EPHA7: variants seen among roughly 807,000 people sequenced by gnomAD.
EPHA7 encodes the protein EPH receptor A7, also known as ephrin type-A receptor 7.
Under a neutral mutation model 112.6 loss-of-function variants are expected in EPHA7, and 25 were observed. That is an observed-to-expected ratio of 0.22 (90% CI 0.16 to 0.31). The LOEUF is 0.31. Ranked by LOEUF, EPHA7 falls within the 10% of genes least tolerant of loss-of-function variation. The pLI is 1.00. For synonymous variants in EPHA7, 437 were observed against 406.5 expected (o/e 1.07, Z -0.90); for missense variants, 962 against 1,212.6 (o/e 0.79, Z 3.07).
intron 5 of EPHA7, among the ~76,000 whole-genome samples, chr6:93,334,381 A>C (rs1035212268): frequency 2.0e-5 from 3 of 151,958 alleles, no homozygotes; most frequent in Admixed American, 2.0e-4. Flanking sequence ...ACTGCAACAA[A>C]AAAATTGACA....
rs1015374884 is a variant in EPHA7 at position 93,337,129 on chromosome 6, G to A, written c.1324+19588C>T. ...CAACAGAAGAGAATATTGCTGCTGT[G>A]TTTTCAAATCCGCAATTCAAAGTTC... On this transcript the variant is annotated intron_variant, in intron 5 of 16. Transcript: ENST00000369303. Among the ~76,000 whole-genome samples, 6 of 152,146 alleles carry A rather than the reference G, an allele frequency of 3.9e-5. No homozygotes were observed. In the South Asian group the frequency reaches 1.2e-3, roughly 31 times the overall value.
At chr6:93,354,467 G>T (rs1043884426) in intron 5 of EPHA7, among the ~76,000 whole-genome samples, 2 of 151,402 alleles carry the variant, frequency 1.3e-5, no homozygotes, top group African/African-American at 4.8e-5. Context: ...AAATGTATAG[G>T]TATTCTTTTT....
intron 5 of EPHA7, among the ~76,000 whole-genome samples, chr6:93,278,211 G>C (rs535215335): frequency 7.2e-5 from 11 of 152,148 alleles, no homozygotes; most frequent in Middle Eastern, 3.4e-3. Flanking sequence ...AGTTTGTGGA[G>C]AAGAGCTACT....
intron 5 of EPHA7, among the ~76,000 whole-genome samples, chr6:93,290,969 T>G (rs562388562): frequency 3.9e-5 from 6 of 152,284 alleles, no homozygotes; most frequent in African/African-American, 1.4e-4. Context: ...AACATTGAAA[T>G]AGATCCCAGT....
chr6:93,309,608 AT>A (rs1773429040), intron 5 of EPHA7, among the ~76,000 whole-genome samples: 1 of 152,118 alleles, frequency 6.6e-6, no homozygotes, highest in African/African-American at 2.4e-5. Context: ...AAATAAATCT[AT>A]TTTTTGAATT....
At chr6:93,352,744 AC>A (rs1775756312) in intron 5 of EPHA7, among the ~76,000 whole-genome samples, 1 of 152,162 alleles carries the variant, frequency 6.6e-6, no homozygotes. Context: ...ACTATGGAAT[AC>A]TACACAGCCA....
chr6:93,257,395 A>T (rs981623994), intron 12 of EPHA7, 67 bp downstream of exon 12: 4 of 1,241,980 alleles, frequency 3.2e-6, no homozygotes, highest in Non-Finnish European at 4.6e-6. Flanking sequence ...TTGCAAAAAA[A>T]GTTCATAAAA....
intron 5 of EPHA7, among the ~76,000 whole-genome samples, chr6:93,351,279 A>T (rs1188269603): frequency 6.6e-6 from 1 of 152,038 alleles, no homozygotes; most frequent in Non-Finnish European, 1.5e-5. Context: ...TTGGCTGATG[A>T]TTCCAATGAG....
At chr6:93,379,021 A>G (rs1777201360) in intron 3 of EPHA7, among the ~76,000 whole-genome samples, 1 of 152,180 alleles carries the variant, frequency 6.6e-6, no homozygotes, top group Admixed American at 6.5e-5. Flanking sequence ...ACACAAACAT[A>G]TATTGAATAT....
chr6:93,405,811 GTGTATATA>G (rs1171474869), intron 3 of EPHA7, among the ~76,000 whole-genome samples: 127 of 58,922 alleles, frequency 2.2e-3, no homozygotes, highest in African/African-American at 0.011. Context: ...GTGTGTGTGT[GTGTATATA>G]TATATATATA....
At position 93,419,350 on chromosome 6, in the gene EPHA7, A is replaced by C; in HGVS notation, c.-9T>G. 1 of 1,605,710 alleles carries C rather than the reference A, an allele frequency of 6.2e-7. No homozygotes were observed. Among genetic ancestry groups the C allele is most frequent in the South Asian group, 1.1e-5 (1 of 90,660 alleles). ...CGAGTTTGAAAAACCATGGTGCATG[A>C]GCAGGTTTTATTTTAGGTTTCAGTT... On this transcript the variant is annotated 5_prime_UTR_variant, in exon 1 of 17. Transcript: ENST00000369303.
intron 5 of EPHA7, among the ~76,000 whole-genome samples, chr6:93,328,300 T>G (rs1774421299): frequency 6.6e-6 from 1 of 151,532 alleles, no homozygotes; most frequent in Admixed American, 6.6e-5. Context: ...ATTTAGTATA[T>G]TTCTGTCTGT....
chr6:93,261,212 T>C (rs79430044), intron 9 of EPHA7, among the ~76,000 whole-genome samples: 2,432 of 151,778 alleles, frequency 0.016, 64 homozygotes, highest in African/African-American at 0.056. Flanking sequence ...ATTGTGTTTA[T>C]ATCTTTAAAT....
chr6:93,332,178 T>C (rs996549388), intron 5 of EPHA7, among the ~76,000 whole-genome samples: 1 of 151,570 alleles, frequency 6.6e-6, no homozygotes, highest in African/African-American at 2.4e-5. Context: ...GTCAGCATCA[T>C]GGCTAAGATT....
At chr6:93,290,842 G>A (rs1772322081) in intron 5 of EPHA7, among the ~76,000 whole-genome samples, 1 of 152,062 alleles carries the variant, frequency 6.6e-6, no homozygotes, top group African/African-American at 2.4e-5. Flanking sequence ...CCCAGCAAAA[G>A]TCACACAAAT....
At chr6:93,356,591 G>C in intron 5 of EPHA7, 126 bp downstream of exon 5, 1 of 852,122 alleles carries the variant, frequency 1.2e-6, no homozygotes, top group East Asian at 2.6e-5. Context: ...AAAAGTTAAA[G>C]CTGTAAATAA....
intron 3 of EPHA7, among the ~76,000 whole-genome samples, chr6:93,378,460 G>C (rs1278771943): frequency 1.3e-5 from 2 of 152,126 alleles, no homozygotes; most frequent in East Asian, 3.8e-4. Flanking sequence ...GACTGAGGCA[G>C]TATGCATCAA....
At chr6:93,291,300 T>C (rs1020718838) in intron 5 of EPHA7, among the ~76,000 whole-genome samples, 16 of 152,190 alleles carry the variant, frequency 1.1e-4, no homozygotes, top group Middle Eastern at 3.2e-3. Context: ...CCTTATGCAA[T>C]GTTTTAAAAT....
At chr6:93,290,875 C>G (rs767555175) in intron 5 of EPHA7, among the ~76,000 whole-genome samples, 2 of 152,086 alleles carry the variant, frequency 1.3e-5, no homozygotes, top group African/African-American at 2.4e-5. Context: ...GGAATTCTAT[C>G]TAATAGTTAA....
Sources: gnomAD v4.1 joint callset for allele counts (sites outside exome capture counted in the v4.1 genomes callset) on GRCh38, gnomAD v4.1.1 for gene constraint, MANE v1.5 for transcripts, NCBI Gene and HGNC (gene_info 2026-07-23, HGNC 2026-07-21) for gene names.